PIWIL1: variants seen among roughly 807,000 people sequenced by gnomAD.
The protein encoded by PIWIL1 is piwi-like protein 1.
Under a neutral mutation model 114.4 loss-of-function variants are expected in PIWIL1, and 73 were observed. The ratio of observed to expected loss-of-function variants is 0.64; its 90% CI spans 0.53 to 0.78. PIWIL1 has a LOEUF of 0.78. Ranked by LOEUF, PIWIL1 falls within the 30% of genes least tolerant of loss-of-function variation. The pLI, the probability that PIWIL1 is intolerant of heterozygous loss-of-function variation, is 0.00. For synonymous variants in PIWIL1, 375 were observed against 369.0 expected, an observed-to-expected ratio of 1.02 and a Z score of -0.19; for missense variants, 723 against 1,063.1, an observed-to-expected ratio of 0.68 and a Z score of 4.45.
At chr12:130,339,813 C>T (rs904160013) in intron 1 of PIWIL1, 1 of 152,214 alleles carries the variant, frequency 6.6e-6, no homozygotes, top group African/African-American at 2.4e-5. Context: ...CTGAGAGCCG[C>T]TCCCCACCCC....
chr12:130,351,243 C>T (rs2073201315), intron 9 of PIWIL1: 1 of 152,220 alleles, frequency 6.6e-6, no homozygotes, highest in South Asian at 2.1e-4. Context: ...AGTGGAACCT[C>T]TCCCCTTCCC....
Position 130,349,847 on chromosome 12 carries a change from G to T in PIWIL1, c.933-9G>T. The T allele has an allele frequency of 1.4e-6, 2 of 1,472,736 alleles. No homozygotes were observed. The allele number at this position is 1,472,736 out of a possible 1,614,324, so 91.2% of individuals were successfully genotyped here. ...CATCAAATGCAGTCAAATCTCAACT[G>T]ATCCCTAGGTATAACAATAAGACAT... On this transcript the variant is annotated splice_polypyrimidine_tract_variant and intron_variant, in intron 8 of 20. Coordinates refer to ENST00000245255, the MANE Select transcript of PIWIL1 (RefSeq NM_004764.5).
the PIWIL1 span, among the ~76,000 whole-genome samples, chr12:130,420,539 AG>A: frequency 6.6e-6 from 1 of 152,220 alleles, no homozygotes; most frequent in African/African-American, 2.4e-5. This position sits in a 1 kb window ranked among gnomAD's most constrained non-coding sequence, Gnocchi z 4.3. Flanking sequence ...TCATTTGGGA[AG>A]GGTTTTTATG....
chr12:130,406,198 C>T, the PIWIL1 span: 32 of 1,599,006 alleles, frequency 2.0e-5, no homozygotes, highest in Non-Finnish European at 2.7e-5. Flanking sequence ...TCATCAATTT[C>T]ACCAAAAACT....
chr12:130,341,234 T>C (rs1013063830), intron 1 of PIWIL1, among the ~76,000 whole-genome samples: 2 of 152,340 alleles, frequency 1.3e-5, no homozygotes, highest in African/African-American at 4.8e-5. Flanking sequence ...GCCCCTTCTC[T>C]TTCCAGTCCC....
At chr12:130,380,551 T>C in the PIWIL1 span, among the ~76,000 whole-genome samples, 1 of 152,168 alleles carries the variant, frequency 6.6e-6, no homozygotes, top group East Asian at 1.9e-4. Flanking sequence ...TTGAGTAGGT[T>C]GAGTAAGGAG....
At chr12:130,424,927 G>T in the PIWIL1 span, 1 of 965,696 alleles carries the variant, frequency 1.0e-6, no homozygotes, top group Non-Finnish European at 1.3e-6. The surrounding 1 kb of genome is among the most constrained non-coding windows in gnomAD (Gnocchi z 9.8). Context: ...GGGGGCCAGG[G>T]GAGGAAAGAA....
Position 130,355,013 on chromosome 12 carries a change from A to G in PIWIL1, c.1289+8A>G. The stretch of plus-strand genomic sequence containing the variant: ...CATTGATTACATTCATAAGTAAGTC[A>G]TTGATTTCACTGGGGCAGGGTTTCA... On this transcript the variant is annotated splice_region_variant and intron_variant, in intron 11 of 20. Coordinates refer to ENST00000245255, the MANE Select transcript of PIWIL1 (RefSeq NM_004764.5). 3 of 1,531,190 alleles carry G rather than the reference A, an allele frequency of 2.0e-6. No individual in the cohort carries two copies. The highest frequency in any genetic ancestry group is 2.2e-5 in the South Asian group (2 of 89,206). The allele number at this position is 1,531,190 out of a possible 1,614,324, so 94.9% of individuals were successfully genotyped here.
At chr12:130,377,611 T>G (rs1297514223), downstream of PIWIL1, among the ~76,000 whole-genome samples, 1 of 152,214 alleles carries the variant, frequency 6.6e-6, no homozygotes, top group Non-Finnish European at 1.5e-5. Flanking sequence ...CTGCTGGCAT[T>G]GGGTGGTTTT....
the PIWIL1 span, among the ~76,000 whole-genome samples, chr12:130,418,383 TC>T: frequency 6.6e-6 from 1 of 152,146 alleles, no homozygotes; most frequent in African/African-American, 2.4e-5. Context: ...TGTGAAGCGC[TC>T]CATGGCCTCT....
At chr12:130,403,256 C>T in the PIWIL1 span, among the ~76,000 whole-genome samples, 6 of 152,200 alleles carry the variant, frequency 3.9e-5, no homozygotes, top group Non-Finnish European at 8.8e-5. Context: ...GCAGTCCGCT[C>T]AGTGAACATG....
chr12:130,403,413 G>A, the PIWIL1 span, among the ~76,000 whole-genome samples: 1 of 152,126 alleles, frequency 6.6e-6, no homozygotes, highest in Non-Finnish European at 1.5e-5. Context: ...CATAACTGGG[G>A]AATAGAAACA....
At chr12:130,364,840 G>A (rs115280290) in intron 18 of PIWIL1, among the ~76,000 whole-genome samples, 26 of 152,070 alleles carry the variant, frequency 1.7e-4, no homozygotes, top group African/African-American at 6.0e-4. Context: ...AGTCTTTATT[G>A]TCATTTCCTC....
At chr12:130,397,652 G>A in the PIWIL1 span, 2 of 397,014 alleles carry the variant, frequency 5.0e-6, no homozygotes, top group African/African-American at 2.1e-5. Context: ...AAAGGTCAGG[G>A]GGGTTCATTT....
chr12:130,370,848 G>T (rs1024730351), intron 19 of PIWIL1, among the ~76,000 whole-genome samples: 1 of 151,144 alleles, frequency 6.6e-6, no homozygotes, highest in Non-Finnish European at 1.5e-5. Flanking sequence ...ACATGGTTCG[G>T]GGGTCGGGGT....
intron 2 of PIWIL1, 146 bp from the exon 3 acceptor site, chr12:130,342,842 CTT>C (rs1160202567): frequency 1.4e-6 from 1 of 728,264 alleles, no homozygotes; most frequent in Non-Finnish European, 2.3e-6. Context: ...TTTGGTGACT[CTT>C]CTCTCAAATT....
At chr12:130,341,981 T>C in intron 1 of PIWIL1, among the ~76,000 whole-genome samples, 1 of 152,184 alleles carries the variant, frequency 6.6e-6, no homozygotes, top group East Asian at 1.9e-4. Context: ...ACGTATATGG[T>C]GATGCCACTC....
the PIWIL1 span, among the ~76,000 whole-genome samples, chr12:130,385,292 A>G: frequency 6.6e-6 from 1 of 152,218 alleles, no homozygotes; most frequent in Non-Finnish European, 1.5e-5. Flanking sequence ...GTAATTCAAA[A>G]TTGTCTTTTA....
chr12:130,377,038 C>T (rs563510665), downstream of PIWIL1, among the ~76,000 whole-genome samples: 5 of 152,312 alleles, frequency 3.3e-5, no homozygotes, highest in African/African-American at 1.2e-4. Context: ...TGTGACCACC[C>T]CCTGTGAGCG....
Sources: gnomAD v4.1 joint callset for allele counts (sites outside exome capture counted in the v4.1 genomes callset) on GRCh38, gnomAD v4.1.1 for gene constraint, Gnocchi (gnomAD v3.1) non-coding constraint, MANE v1.5 for transcripts, NCBI Gene and HGNC (gene_info 2026-07-23, HGNC 2026-07-21) for gene names.